FRYL: variants seen among roughly 807,000 people sequenced by gnomAD.
The protein encoded by FRYL is protein furry homolog-like.
In FRYL, 150 loss-of-function variants were observed where a neutral mutation model predicts 351.2. The ratio of observed to expected loss-of-function variants is 0.43; its 90% confidence interval spans 0.37 to 0.49. The LOEUF (loss-of-function observed/expected upper bound fraction) is 0.49. Among genes scored for constraint, FRYL ranks in the 20% least tolerant of loss-of-function variants. The pLI is 0.00. For synonymous variants in FRYL, 1,153 were observed against 1,257.1 expected (o/e 0.92, Z 1.75); for missense variants, 3,036 against 3,619.3 (o/e 0.84, Z 4.13).
rs981004868 is a variant in FRYL, at chr4:48,555,643, G to T, written c.4266+1335C>A. Among the ~76,000 whole-genome samples the T allele has an allele frequency of 6.6e-5, 10 of 152,186 alleles. No homozygotes were observed. The East Asian group carries it at 1.9e-3, about 29-fold the overall frequency. ...CCTGGTGAGAGAGGTGGAAGCAAAG[G>T]GGGCCAGCGCAGCTGAAGGGTGGGA... On this transcript the variant is annotated intron_variant, in intron 35 of 63. Coordinates refer to ENST00000358350, the MANE Select transcript of FRYL (RefSeq NM_015030.2).
intron 3 of FRYL, among the ~76,000 whole-genome samples, chr4:48,638,860 A>G (rs1754786846): frequency 6.6e-6 from 1 of 152,158 alleles, no homozygotes; most frequent in South Asian, 2.1e-4. Context: ...ACAAGAACAG[A>G]AAACCAAACA....
intron 3 of FRYL, among the ~76,000 whole-genome samples, chr4:48,674,235 C>T (rs1763180896): frequency 6.6e-6 from 1 of 152,024 alleles, no homozygotes; most frequent in Admixed American, 6.5e-5. Context: ...CATTCTGAAT[C>T]AGTAAATAAT....
Position 48,586,806 on chromosome 4 carries a change from C to T in FRYL, c.1641-78G>A, listed in dbSNP as rs16861398. On this transcript the variant is annotated intron_variant, in intron 18 of 63. Transcript: ENST00000358350. ...GAAATCAAACTTGGAAAAATAACTACAGAAAGTGCGAGTCCTCCCCTAAAG... is the reference window on the plus strand; with the variant it reads ...GAAATCAAACTTGGAAAAATAACTATAGAAAGTGCGAGTCCTCCCCTAAAG... The T allele has an allele frequency of 0.012, 11,699 of 944,356 alleles. 991 individuals carry two copies. The African/African-American group carries it at 0.18, about 14-fold the overall frequency. The allele number at this position is 944,356 out of a possible 1,614,324, so 58.5% of individuals were successfully genotyped here.
At chr4:48,571,972 G>C (rs1330558270) in intron 26 of FRYL, 1 of 985,164 alleles carries the variant, frequency 1.0e-6, no homozygotes, top group Admixed American at 6.2e-5. Flanking sequence ...ATCCAGCACT[G>C]TAACCAAACT....
intron 4 of FRYL, among the ~76,000 whole-genome samples, chr4:48,627,486 A>ATTC (rs1752062254): frequency 6.6e-6 from 1 of 152,166 alleles, no homozygotes; most frequent in African/African-American, 2.4e-5. Context: ...TTCATAACAA[A>ATTC]TCCATACTTC....
intron 1 of FRYL, among the ~76,000 whole-genome samples, chr4:48,728,866 T>G (rs183329357): frequency 6.6e-6 from 1 of 152,320 alleles, no homozygotes; most frequent in African/African-American, 2.4e-5. Flanking sequence ...TCACTGGGAC[T>G]GGTTGGACAG....
chr4:48,539,807 C>T (rs1729749845), intron 47 of FRYL, among the ~76,000 whole-genome samples, 164 bp downstream of exon 47: 1 of 152,104 alleles, frequency 6.6e-6, no homozygotes, highest in South Asian at 2.1e-4. Flanking sequence ...GTAACTTACG[C>T]CATTACTATG....
chr4:48,774,208 G>C (rs1341526745), intron 1 of FRYL, among the ~76,000 whole-genome samples: 1 of 152,126 alleles, frequency 6.6e-6, no homozygotes, highest in Non-Finnish European at 1.5e-5. Flanking sequence ...CTCTGAAATA[G>C]AATAAAAACC....
chr4:48,592,397 A>G (rs1002984808), intron 16 of FRYL, among the ~76,000 whole-genome samples: 1 of 152,092 alleles, frequency 6.6e-6, no homozygotes, highest in African/African-American at 2.4e-5. Flanking sequence ...CAGATCCAAG[A>G]AAAGAAAATA....
At chr4:48,584,145 A>G (rs1741570102) in intron 19 of FRYL, among the ~76,000 whole-genome samples, 1 of 152,244 alleles carries the variant, frequency 6.6e-6, no homozygotes, top group African/African-American at 2.4e-5. Flanking sequence ...TAATAATATT[A>G]TATGAATAAA....
At chr4:48,543,664 T>C in intron 44 of FRYL, 143 bp downstream of exon 44, 2 of 645,840 alleles carry the variant, frequency 3.1e-6, no homozygotes, top group Non-Finnish European at 5.1e-6. Flanking sequence ...ACTAACTTTG[T>C]CTCTTAATTC....
intron 48 of FRYL, among the ~76,000 whole-genome samples, chr4:48,534,905 T>C (rs1728528310): frequency 6.6e-6 from 1 of 152,164 alleles, no homozygotes; most frequent in Non-Finnish European, 1.5e-5. Context: ...TTCATCTAAA[T>C]CATGGTGTTT....
At chr4:48,777,233 AAGATGTCTGTGGAAC>A (rs1776118638) in intron 1 of FRYL, among the ~76,000 whole-genome samples, 1 of 152,226 alleles carries the variant, frequency 6.6e-6, no homozygotes, top group Non-Finnish European at 1.5e-5. Context: ...ACCATCACAA[AAGATGTCTGTGGAAC>A]AGATATTATA....
chr4:48,595,045 G>A (rs1374115761), intron 15 of FRYL, among the ~76,000 whole-genome samples: 2 of 152,214 alleles, frequency 1.3e-5, no homozygotes, highest in Non-Finnish European at 2.9e-5. Flanking sequence ...GAGGAAGACA[G>A]GGAGAAATGA....
intron 36 of FRYL, among the ~76,000 whole-genome samples, chr4:48,551,826 T>C (rs566809457): frequency 2.0e-5 from 3 of 152,264 alleles, no homozygotes; most frequent in East Asian, 3.9e-4. Context: ...TGGTGGTGGG[T>C]GAAAACCAAG....
chr4:48,719,257 T>C (rs752938839), intron 1 of FRYL, among the ~76,000 whole-genome samples: 8 of 151,670 alleles, frequency 5.3e-5, no homozygotes, highest in African/African-American at 1.2e-4. Context: ...GCTGAACTCT[T>C]TGCTCTGTGC....
chr4:48,690,042 G>A (rs1201404793), intron 2 of FRYL, among the ~76,000 whole-genome samples: 6 of 146,766 alleles, frequency 4.1e-5, no homozygotes, highest in Non-Finnish European at 7.5e-5. Context: ...GACTACAGGT[G>A]CCCGCCACCG....
intron 1 of FRYL, among the ~76,000 whole-genome samples, chr4:48,716,436 A>T (rs1009936504): frequency 6.6e-6 from 1 of 151,648 alleles, no homozygotes; most frequent in Non-Finnish European, 1.5e-5. Flanking sequence ...CAAGAAAAAA[A>T]CAAACAACCC....
chr4:48,600,934 A>G (rs1449580487), intron 13 of FRYL, among the ~76,000 whole-genome samples: 2 of 152,214 alleles, frequency 1.3e-5, no homozygotes, highest in East Asian at 1.9e-4. Flanking sequence ...AAACATGAGT[A>G]ATATCAACGT....
Sources: gnomAD v4.1 joint callset for allele counts (sites outside exome capture counted in the v4.1 genomes callset) on GRCh38, gnomAD v4.1.1 for gene constraint, MANE v1.5 for transcripts, NCBI Gene and HGNC (gene_info 2026-07-23, HGNC 2026-07-21) for gene names.